The following CNTNAP2 variants were observed in gnomAD, a reference collection of about 807,000 sequenced individuals.
CNTNAP2 encodes contactin-associated protein-like 2.
CNTNAP2 carries 98 observed loss-of-function variants against 155.2 expected under a neutral mutation model. The observed-to-expected ratio is 0.63, with a 90% CI of 0.54 to 0.75. The LOEUF (loss-of-function observed/expected upper bound fraction) is 0.75. CNTNAP2 is among the 30% of genes least tolerant of loss of function. The probability of loss-of-function intolerance (pLI) is 0.00; values close to 1 mark genes in which losing one functional copy is unlikely to be tolerated. For synonymous variants in CNTNAP2, 651 were observed against 631.2 expected, an observed-to-expected ratio of 1.03 and a Z score of -0.47; for missense variants, 1,727 against 1,688.1, an observed-to-expected ratio of 1.02 and a Z score of -0.40.
chr7:147,696,167 T>G (rs557051113), intron 13 of CNTNAP2, among the ~76,000 whole-genome samples: 2 of 152,328 alleles, frequency 1.3e-5, no homozygotes, highest in Non-Finnish European at 2.9e-5. Context: ...TTTAGACCAT[T>G]GACATTTAAG....
chr7:147,548,025 G>A (rs1037091696), intron 11 of CNTNAP2, among the ~76,000 whole-genome samples: 1 of 152,118 alleles, frequency 6.6e-6, no homozygotes, highest in Non-Finnish European at 1.5e-5. Flanking sequence ...CATTTTGGTT[G>A]GTTCTATGTC....
At chr7:146,954,378 G>T (rs561381367) in intron 3 of CNTNAP2, among the ~76,000 whole-genome samples, 1 of 151,994 alleles carries the variant, frequency 6.6e-6, no homozygotes, top group African/African-American at 2.4e-5. Context: ...ATTAAACATG[G>T]AAAGTATGCA....
chr7:146,785,979 A>G (rs139837764), intron 2 of CNTNAP2, among the ~76,000 whole-genome samples: 251 of 152,340 alleles, frequency 1.6e-3, no homozygotes, highest in African/African-American at 5.6e-3. Context: ...GAAGCAGTGT[A>G]GCCTACAAGA....
intron 3 of CNTNAP2, among the ~76,000 whole-genome samples, chr7:146,989,876 C>G (rs1798178934): frequency 6.6e-6 from 1 of 151,826 alleles, no homozygotes. Context: ...GGTGTTGTCA[C>G]CCCAATCTTC....
intron 4 of CNTNAP2, among the ~76,000 whole-genome samples, chr7:147,050,257 C>CA (rs780181238): frequency 8.4e-4 from 128 of 152,172 alleles, no homozygotes; most frequent in Non-Finnish European, 1.6e-3. Context: ...TTAATAATTT[C>CA]AAAAAATCAT....
At chr7:147,927,724 A>T (rs981866560) in intron 14 of CNTNAP2, among the ~76,000 whole-genome samples, 3 of 152,232 alleles carry the variant, frequency 2.0e-5, no homozygotes, top group Non-Finnish European at 4.4e-5. Context: ...TTCTTTCTCA[A>T]TTCAGAAATA....
intron 18 of CNTNAP2, among the ~76,000 whole-genome samples, chr7:148,188,449 G>A (rs1246374557): frequency 1.3e-5 from 2 of 152,180 alleles, no homozygotes; most frequent in Non-Finnish European, 2.9e-5. Flanking sequence ...TAGTTAAGAT[G>A]ACTTCCATGA....
At chr7:147,803,889 A>G (rs1297066269) in intron 13 of CNTNAP2, among the ~76,000 whole-genome samples, 2 of 152,194 alleles carry the variant, frequency 1.3e-5, no homozygotes, top group Non-Finnish European at 2.9e-5. Flanking sequence ...AATCCAATTT[A>G]TTCTCCCTAT....
intron 4 of CNTNAP2, among the ~76,000 whole-genome samples, chr7:147,103,296 C>T (rs572417305): frequency 9.9e-5 from 15 of 151,876 alleles, no homozygotes; most frequent in South Asian, 8.3e-4. Context: ...AATAAAGCTG[C>T]GTGAATAGAG....
chr7:146,832,919 C>A (rs1803541868), intron 2 of CNTNAP2, among the ~76,000 whole-genome samples: 1 of 151,970 alleles, frequency 6.6e-6, no homozygotes, highest in Non-Finnish European at 1.5e-5. Flanking sequence ...TGATCTCGAA[C>A]TCTTGACCTC....
chr7:147,919,810 C>G (rs1039331388), intron 14 of CNTNAP2, among the ~76,000 whole-genome samples: 1 of 151,496 alleles, frequency 6.6e-6, no homozygotes, highest in African/African-American at 2.4e-5. Context: ...CAGTCTGGAA[C>G]TCCTGGGCTC....
rs373302412 is a variant in CNTNAP2 at position 146,757,915 on chromosome 7, A to G, written c.98-16356A>G. 5.9e-5 allele frequency among the ~76,000 whole-genome samples: 9 copies of G among 152,008 alleles called. No individual in the cohort carries two copies. The East Asian group carries it at 7.7e-4, about 13-fold the overall frequency. On this transcript the variant is annotated intron_variant, in intron 1 of 23. Coordinates refer to ENST00000361727, the MANE Select transcript of CNTNAP2 (RefSeq NM_014141.6). ...GTGGATTGGGCCTTCTCCATTTCCT[A>G]TTTACTTCTGATTACATTGTTTTCT...
chr7:146,971,784 G>A (rs1563026585), intron 3 of CNTNAP2, among the ~76,000 whole-genome samples: 1 of 152,038 alleles, frequency 6.6e-6, no homozygotes, highest in East Asian at 1.9e-4. Context: ...CTTCCCATAA[G>A]ACCCCACCTG....
intron 14 of CNTNAP2, among the ~76,000 whole-genome samples, chr7:147,935,806 A>G (rs1039451880): frequency 1.3e-5 from 2 of 152,228 alleles, no homozygotes; most frequent in African/African-American, 4.8e-5. Context: ...TTTATTCAAA[A>G]GTGCTTAAAA....
intron 22 of CNTNAP2, among the ~76,000 whole-genome samples, chr7:148,394,078 C>A (rs906451190): frequency 2.0e-5 from 3 of 151,604 alleles, no homozygotes; most frequent in Non-Finnish European, 2.9e-5. Context: ...TGTTTTATGG[C>A]TTTTGGGTTT....
At chr7:148,129,620 A>C (rs575913830) in intron 16 of CNTNAP2, among the ~76,000 whole-genome samples, 1 of 152,254 alleles carries the variant, frequency 6.6e-6, no homozygotes, top group Non-Finnish European at 1.5e-5. Context: ...ATGACAAAAA[A>C]GTTAATAAAT....
At chr7:146,975,514 G>A (rs557645128) in intron 3 of CNTNAP2, among the ~76,000 whole-genome samples, 13 of 152,132 alleles carry the variant, frequency 8.5e-5, no homozygotes, top group South Asian at 4.2e-4. Flanking sequence ...TTTCACAGGC[G>A]CGTAATCCAC....
chr7:146,643,065 T>C (rs1030512470), intron 1 of CNTNAP2, among the ~76,000 whole-genome samples: 9 of 147,110 alleles, frequency 6.1e-5, no homozygotes, highest in Admixed American at 1.3e-4. Context: ...ATTAGCCCTT[T>C]GTCAGATGAG....
chr7:146,851,836 A>G (rs1167308173), intron 3 of CNTNAP2, among the ~76,000 whole-genome samples: 1 of 151,774 alleles, frequency 6.6e-6, no homozygotes, highest in Non-Finnish European at 1.5e-5. Flanking sequence ...GCATGTCACC[A>G]TGCCCAGATA....
Sources: gnomAD v4.1 joint callset for allele counts (sites outside exome capture counted in the v4.1 genomes callset) on GRCh38, gnomAD v4.1.1 for gene constraint, MANE v1.5 for transcripts, NCBI Gene and HGNC (gene_info 2026-07-23, HGNC 2026-07-21) for gene names.